Variants in GCN1 observed in about 807,000 individuals in gnomAD.
GCN1 encodes stalled ribosome sensor GCN1.
A neutral mutation model predicts 288.4 loss-of-function variants in GCN1; 90 were observed. The observed-to-expected ratio is 0.31, with a 90% CI of 0.26 to 0.37. The LOEUF (loss-of-function observed/expected upper bound fraction) is 0.37. Among genes scored for constraint, GCN1 ranks in the 10% least tolerant of loss-of-function variants. The pLI is 1.00. For synonymous variants in GCN1, 1,386 were observed against 1,420.2 expected (o/e 0.98, Z 0.54); for missense variants, 2,586 against 3,419.9 (o/e 0.76, Z 6.08).
chr12:120,161,687 C>T, intron 21 of GCN1, 104 bp from the exon 22 acceptor site: 3 of 948,522 alleles, frequency 3.2e-6, no homozygotes, highest in Admixed American at 1.9e-5. Flanking sequence ...CACTGTGCAC[C>T]AGCACAGTGC....
rs552248947 is a variant in GCN1 at position 120,170,273 on chromosome 12, G to A, written c.1415C>T (p.Thr472Ile). The A allele has an allele frequency of 1.9e-6, 3 of 1,614,114 alleles. No homozygotes were observed. Among genetic ancestry groups the A allele is most frequent in the African/African-American group, 2.7e-5 (2 of 75,044 alleles). ...ALDLLPLLIQ[T>I]VEKAASQSTQ... ...GCTTTGGGAGGCTGCCTTCTCCACT[G>A]TCTGGATGAGCAAGGGCAGTAAGTC... The change falls in exon 15 of 58, where the codon ACA becomes ATA. Residue 472 changes from threonine to isoleucine, a missense_variant. This residue lies in a region of GCN1 where 913 missense variants were observed against 1,107.0 expected (regional missense o/e 0.82). Transcript: ENST00000300648.
chr12:120,143,980 CT>C (rs1017619152), intron 42 of GCN1, among the ~76,000 whole-genome samples: 2 of 151,712 alleles, frequency 1.3e-5, no homozygotes, highest in African/African-American at 4.8e-5. Flanking sequence ...CCCTTTGGAT[CT>C]TTTTTTTTCT....
At chr12:120,159,698 C>T in intron 24 of GCN1, 127 bp downstream of exon 24, 1 of 777,610 alleles carries the variant, frequency 1.3e-6, no homozygotes, top group Non-Finnish European at 2.2e-6. Flanking sequence ...AGGCTGCTTC[C>T]ACAAGAAAAC....
In GCN1 at chr12:120,136,687, C is replaced by T; in HGVS notation, c.6823G>A (p.Gly2275Ser). ...LPVLREGVLTGSPEQKEEAAK... is the reference protein window; with the variant it reads ...LPVLREGVLTSSPEQKEEAAK... Reference sequence around the variant, plus strand: ...GCCTCCTCCTTCTGCTCAGGGCTGCCAGTCAGGACTCCTTCCCGCAACACT... The same window carrying T: ...GCCTCCTCCTTCTGCTCAGGGCTGCTAGTCAGGACTCCTTCCCGCAACACT... Residue 2275 changes from glycine (G) to serine (S), a missense_variant, in exon 51 of 58, where the codon GGC (glycine) becomes AGC (serine). By Grantham distance (56) the Gly-to-Ser change is moderately conservative. Transcript: ENST00000300648. The T allele has an allele frequency of 6.2e-7, 1 of 1,614,026 alleles. No homozygotes were observed. The highest frequency in any genetic ancestry group is 8.5e-7 in the Non-Finnish European group (1 of 1,180,016).
intron 36 of GCN1, 71 bp downstream of exon 36, chr12:120,149,535 A>T: frequency 9.5e-7 from 1 of 1,051,858 alleles, no homozygotes; most frequent in Non-Finnish European, 1.5e-6. Context: ...AGCTGTGGCT[A>T]CCCAGGATCC....
At chr12:120,152,385 ACGCG>A (rs575257614) in intron 33 of GCN1, among the ~76,000 whole-genome samples, 4 of 121,242 alleles carry the variant, frequency 3.3e-5, no homozygotes, top group Admixed American at 8.2e-5. Flanking sequence ...CCACACACAC[ACGCG>A]CACACACACA....
chr12:120,187,967 C>T (rs1426732777), intron 2 of GCN1, among the ~76,000 whole-genome samples: 1 of 152,060 alleles, frequency 6.6e-6, no homozygotes, highest in East Asian at 1.9e-4. Context: ...AGAGCTATCC[C>T]TTGGTTATGG....
In GCN1 at chr12:120,153,478, C is replaced by G. The variant is rs1338729731; in HGVS notation, c.3868-71G>C. 1 of 1,378,124 alleles carries G rather than the reference C, an allele frequency of 7.3e-7. No individual in the cohort carries two copies. The highest frequency in any genetic ancestry group is 2.3e-5 in the East Asian group (1 of 42,628). The allele number at this position is 1,378,124 out of a possible 1,614,324, so 85.4% of individuals were successfully genotyped here. ...GCATCTGGGGACAACAGTCCCTGCCCTGAGGACCAAGACCAAGTCTAGCTC... is the reference window on the plus strand; with the variant it reads ...GCATCTGGGGACAACAGTCCCTGCCGTGAGGACCAAGACCAAGTCTAGCTC... On this transcript the variant is annotated intron_variant, in intron 32 of 57. Transcript: ENST00000300648. The surrounding 1 kb of genome is among the most constrained non-coding windows in gnomAD (Gnocchi z 4.4).
At chr12:120,173,452 G>A (rs1362733147) in intron 14 of GCN1, among the ~76,000 whole-genome samples, 2 of 152,256 alleles carry the variant, frequency 1.3e-5, no homozygotes, top group Non-Finnish European at 2.9e-5. Context: ...TTGAAAGTCT[G>A]ACAAGGGGGA....
chr12:120,184,221 A>C lies in GCN1; in HGVS notation c.208T>G (p.Leu70Val). The C allele has an allele frequency of 6.2e-7, 1 of 1,613,832 alleles. No homozygotes were observed. Among genetic ancestry groups the C allele is most frequent in the Non-Finnish European group, 8.5e-7 (1 of 1,179,922 alleles). Residue 70 changes from leucine to valine, a missense_variant, in exon 4 of 58, where the codon TTG becomes GTG. Leu to Val is a conservative substitution (Grantham distance 32, BLOSUM62 1). Transcript: ENST00000300648. The part of the protein sequence containing the change: ...RYRDAASRRA[L>V]QAAIQQLAEA... ...GCCAACTGCTGGATGGCTGCCTGCA[A>C]GGCCCTGCGGGAGGCTGCATCTCTA...
chr12:120,150,806 G>A (rs1189992920), intron 34 of GCN1, among the ~76,000 whole-genome samples: 11 of 151,884 alleles, frequency 7.2e-5, no homozygotes, highest in Non-Finnish European at 1.0e-4. Flanking sequence ...GCGTGGTGGC[G>A]GGCGCCTGTG....
intron 15 of GCN1, among the ~76,000 whole-genome samples, chr12:120,169,276 CA>C (rs35819206): frequency 0.13 from 8,502 of 66,158 alleles, 83 homozygotes; most frequent in African/African-American, 0.2. Context: ...AACTCCGTCT[CA>C]AAAAAAAAAA....
intron 20 of GCN1, 62 bp downstream of exon 20, chr12:120,162,785 T>C (rs1277572324): frequency 1.3e-6 from 2 of 1,564,254 alleles, no homozygotes; most frequent in African/African-American, 2.7e-5. Context: ...TCTCTTCCTG[T>C]ACACTGTGAT....
chr12:120,177,004 G>T (rs969025308), intron 9 of GCN1, among the ~76,000 whole-genome samples: 1 of 152,170 alleles, frequency 6.6e-6, no homozygotes, highest in African/African-American at 2.4e-5. Context: ...GACCTCAGGT[G>T]ATCTACCTGC....
Position 120,138,861 on chromosome 12 carries a change from A to G in GCN1, c.5995-5T>C, listed in dbSNP as rs372830979. ...GGATTCAGAGAAATACAGCACCTGC[A>G]ATGGCAAGCTACAACTGTACCAGAT... is the stretch of plus-strand genomic sequence containing the variant. On this transcript the variant is annotated splice_polypyrimidine_tract_variant and splice_region_variant and intron_variant, in intron 45 of 57. Transcript: ENST00000300648. The G allele has an allele frequency of 3.7e-6, 6 of 1,605,784 alleles. No individual in the cohort carries two copies. In the African/African-American group the frequency reaches 8.0e-5, roughly 21 times the overall value.
At position 120,158,040 on chromosome 12, in the gene GCN1, C is replaced by A. The variant is rs368961756; in HGVS notation, c.2906-10G>T. On this transcript the variant is annotated splice_polypyrimidine_tract_variant and intron_variant, in intron 25 of 57. Coordinates refer to ENST00000300648, the MANE Select transcript of GCN1 (RefSeq NM_006836.2). This position sits in a 1 kb window ranked among gnomAD's most constrained non-coding sequence, Gnocchi z 4.3. Reference sequence around the variant, plus strand: ...GACAAGGGCGCAGCACCTGTGAGAGCGAGAAGCAGATAAGATTCTGCAGGC... The same window carrying A: ...GACAAGGGCGCAGCACCTGTGAGAGAGAGAAGCAGATAAGATTCTGCAGGC... 3 of 1,612,632 alleles carry A rather than the reference C, an allele frequency of 1.9e-6. No individual in the cohort carries two copies. The highest frequency in any genetic ancestry group is 4.5e-5 in the East Asian group (2 of 44,890).
chr12:120,143,294 T>C (rs1424379779), intron 42 of GCN1, among the ~76,000 whole-genome samples: 2 of 152,148 alleles, frequency 1.3e-5, no homozygotes, highest in African/African-American at 2.4e-5. Flanking sequence ...AAGGATAAAC[T>C]ATTTCAGGCC....
In GCN1 at chr12:120,149,904, A is replaced by G. The variant is rs1235012681; in HGVS notation, c.4431+18T>C. The G allele has an allele frequency of 8.1e-6, 13 of 1,613,980 alleles. No homozygotes were observed. On this transcript the variant is annotated intron_variant, in intron 35 of 57. Transcript: ENST00000300648. ...ATAAAGTTTCCATGCTGTTCTCCCG[A>G]GCAGTCCGGGGACTTACCTCACGCA...
At position 120,156,817 on chromosome 12, in the gene GCN1, G is replaced by T; in HGVS notation, c.3168+95C>A. 1 of 1,010,866 alleles carries T rather than the reference G, an allele frequency of 9.9e-7. No individual in the cohort carries two copies. Among genetic ancestry groups the T allele is most frequent in the Non-Finnish European group, 1.6e-6 (1 of 636,038 alleles). The allele number at this position is 1,010,866 out of a possible 1,614,324, so 62.6% of individuals were successfully genotyped here. A position where few individuals can be genotyped will look rare whatever the true frequency, so the allele number is the denominator to read the frequency against. ...TTTCTACCAAAGTCCAAAAGTAAGG[G>T]CTGAAAGGAAACTAGGACTCCACCC... On this transcript the variant is annotated intron_variant, in intron 27 of 57. Coordinates refer to ENST00000300648, the MANE Select transcript of GCN1 (RefSeq NM_006836.2). The surrounding 1 kb of genome is among the most constrained non-coding windows in gnomAD (Gnocchi z 5.8).
Sources: gnomAD v4.1 joint callset for allele counts (sites outside exome capture counted in the v4.1 genomes callset) on GRCh38, gnomAD v4.1.1 for gene constraint, gnomAD v4.1.1 regional missense constraint, Gnocchi (gnomAD v3.1) non-coding constraint, MANE v1.5 for transcripts, NCBI Gene and HGNC (gene_info 2026-07-23, HGNC 2026-07-21) for gene names.